The following TTC31 variants were observed in gnomAD, a reference collection of about 807,000 sequenced individuals.
TTC31 encodes the protein tetratricopeptide repeat protein 31.
TTC31 carries 59 observed loss-of-function variants against 60.4 expected under a neutral mutation model. The ratio of observed to expected loss-of-function variants is 0.98; its 90% CI spans 0.79 to 1.21. The LOEUF (loss-of-function observed/expected upper bound fraction) is 1.21, where lower values mean the gene tolerates loss of function less well. TTC31 is among the 50% of genes most tolerant of loss of function. The pLI, the probability that TTC31 is intolerant of heterozygous loss-of-function variation, is 0.00. For synonymous variants in TTC31, 225 were observed against 249.6 expected (o/e 0.90, Z 0.93); for missense variants, 672 against 646.9 (o/e 1.04, Z -0.42).
At chr2:74,491,215 C>T (rs764334293) in intron 6 of TTC31, 31 bp downstream of exon 6, 5 of 1,614,100 alleles carry the variant, frequency 3.1e-6, no homozygotes, top group Non-Finnish European at 3.4e-6. Context: ...CTAAGAGCAC[C>T]AAGTGCCAGG....
At position 74,493,290 on chromosome 2, in the gene TTC31, TC is replaced by T. The variant is rs1674158733; in HGVS notation, c.*73del. The T allele has an allele frequency of 6.8e-7, 1 of 1,470,234 alleles. No homozygotes were observed. The highest frequency in any genetic ancestry group is 9.3e-7 in the Non-Finnish European group (1 of 1,073,840). 91.1% of individuals were successfully genotyped at this position (1,470,234 alleles called of 1,614,324 possible). A position where few individuals can be genotyped will look rare whatever the true frequency, so the allele number is the denominator to read the frequency against. Reference sequence around the variant, plus strand: ...GTGGGGGACATAGTGTGGTGACAGTTCACTGCATATTTTGAGACCTTATTCT... The same window carrying T: ...GTGGGGGACATAGTGTGGTGACAGTTACTGCATATTTTGAGACCTTATTCT... On this transcript the variant is annotated 3_prime_UTR_variant, in exon 13 of 13. Coordinates refer to ENST00000233623, the MANE Select transcript of TTC31 (RefSeq NM_022492.6).
Position 74,490,730 on chromosome 2 carries a change from C to G in TTC31, c.537C>G (p.Leu179=). 1 of 1,612,862 alleles carries G rather than the reference C, an allele frequency of 6.2e-7. No individual in the cohort carries two copies. Among genetic ancestry groups the G allele is most frequent in the East Asian group, 2.2e-5 (1 of 44,838 alleles). Residue 179 remains leucine (L), a synonymous_variant, in exon 5 of 13, where the codon CTC becomes CTG. Coordinates refer to ENST00000233623, the MANE Select transcript of TTC31 (RefSeq NM_022492.6). ...AACAGAAAGCAGAGAAAAAGCGACT[C>G]AAGAAGAAGGTGGCTAGAGCATGGC... ...RMKQKAEKKR[L]KKKRQKERKR...
chr2:74,491,438 A>G, intron 7 of TTC31, 43 bp from the exon 8 acceptor site: 1 of 1,613,260 alleles, frequency 6.2e-7, no homozygotes, highest in Non-Finnish European at 8.5e-7. Context: ...TCCAGAATGT[A>G]CTTCATCCCC....
chr2:74,489,908 TG>T, intron 2 of TTC31, 116 bp from the exon 3 acceptor site: 1 of 735,296 alleles, frequency 1.4e-6, no homozygotes, highest in Non-Finnish European at 2.3e-6. Flanking sequence ...TGAGAGTCTC[TG>T]GGCTGGATAG....
In TTC31 at chr2:74,492,464, GA is replaced by G; in HGVS notation, c.1161+22del. 6.6e-7 allele frequency: 1 copy of G among 1,523,074 alleles called. No homozygotes were observed. The highest frequency in any genetic ancestry group is 8.8e-7 in the Non-Finnish European group (1 of 1,136,142). The allele number at this position is 1,523,074 out of a possible 1,614,324, so 94.3% of individuals were successfully genotyped here. A position where few individuals can be genotyped will look rare whatever the true frequency, so the allele number is the denominator to read the frequency against. On this transcript the variant is annotated intron_variant, in intron 11 of 12. Transcript: ENST00000233623. ...ACTACAGGTAATAGGTCTGGGGCTGGAAACAGGAGAGATTTGAGTGGGATGG... is the reference window on the plus strand; with the variant it reads ...ACTACAGGTAATAGGTCTGGGGCTGGAACAGGAGAGATTTGAGTGGGATGG...
chr2:74,492,789 G>A, intron 12 of TTC31, 42 bp downstream of exon 12: 1 of 1,605,120 alleles, frequency 6.2e-7, no homozygotes, highest in African/African-American at 1.3e-5. Flanking sequence ...GCGGGTATCA[G>A]GGAGAATTGG....
chr2:74,490,891 C>G lies in TTC31; in HGVS notation c.546+152C>G, dbSNP rs1215435209. 16 of 922,378 alleles carry G rather than the reference C, an allele frequency of 1.7e-5. No homozygotes were observed. In the South Asian group the frequency reaches 1.9e-4, roughly 11 times the overall value. 57.1% of individuals were successfully genotyped at this position (922,378 alleles called of 1,614,324 possible). On this transcript the variant is annotated intron_variant, in intron 5 of 12. Coordinates refer to ENST00000233623, the MANE Select transcript of TTC31 (RefSeq NM_022492.6). ...AAGGGGCCCAGGGACTGGGGGGTCT[C>G]TCACAGGCCATCTGGTGCAGTGGTT...
chr2:74,492,253 A>AG (rs770661902), intron 10 of TTC31, 24 bp downstream of exon 10: 1 of 1,614,068 alleles, frequency 6.2e-7, no homozygotes, highest in South Asian at 1.1e-5. Flanking sequence ...TGGCCAGGGC[A>AG]GGGCAGAGTG....
intron 2 of TTC31, chr2:74,483,770 A>G (rs1051951412): frequency 2.6e-6 from 1 of 391,962 alleles, no homozygotes. Flanking sequence ...TGAGCCCAGG[A>G]GTTAGAGACC....
Position 74,483,403 on chromosome 2 carries a change from G to A in TTC31, c.122G>A (p.Gly41Asp), listed in dbSNP as rs1215977028. The A allele has an allele frequency of 1.2e-6, 2 of 1,614,218 alleles. No individual in the cohort carries two copies. Among genetic ancestry groups the A allele is most frequent in the African/African-American group, 2.7e-5 (2 of 75,054 alleles). Residue 41 changes from glycine (G) to aspartate (D), a missense_variant, in exon 2 of 13, where the codon GGC becomes GAC. By Grantham distance (94) the Gly-to-Asp change is moderately conservative. Coordinates refer to ENST00000233623, the MANE Select transcript of TTC31 (RefSeq NM_022492.6). ...LCKEFGPEDYGEEDIVDFLRR... is the reference protein window; with the variant it reads ...LCKEFGPEDYDEEDIVDFLRR... ...AAGGAATTCGGTCCAGAGGATTACG[G>A]CGAAGAGGTAAAAGCGACCCTCAGT...
At chr2:74,484,140 G>T (rs990334297) in intron 2 of TTC31, among the ~76,000 whole-genome samples, 3 of 151,730 alleles carry the variant, frequency 2.0e-5, no homozygotes, top group Non-Finnish European at 4.4e-5. Context: ...GGGTTACTGA[G>T]GCAGGAGAAT....
chr2:74,492,114 C>T (rs749326198), intron 9 of TTC31, 25 bp from the exon 10 acceptor site: 1 of 1,614,166 alleles, frequency 6.2e-7, no homozygotes, highest in African/African-American at 1.3e-5. Flanking sequence ...CCCATCTGAA[C>T]CTTCTCACCC....
intron 1 of TTC31, 28 bp downstream of exon 1, chr2:74,483,163 G>T (rs1301520791): frequency 1.9e-6 from 3 of 1,614,068 alleles, no homozygotes; most frequent in Non-Finnish European, 2.5e-6. Flanking sequence ...ACCAGTGGGG[G>T]TCTAGGAGGG....
Position 74,483,110 on chromosome 2 carries a change from A to T in TTC31, c.15A>T (p.Pro5=). The part of the protein sequence containing the change: MAPI[P]KTVGRIKLDC... Reference sequence around the variant, plus strand: ...CTGTAGATGCGATGGCGCCGATTCCAAAGACTGTGGGGCGGATCAAGCTAG... The same window carrying T: ...CTGTAGATGCGATGGCGCCGATTCCTAAGACTGTGGGGCGGATCAAGCTAG... The change falls in exon 1 of 13, where the codon CCA becomes CCT. Residue 5 remains proline, a synonymous_variant. Transcript: ENST00000233623. 6.2e-7 allele frequency: 1 copy of T among 1,614,192 alleles called. No homozygotes were observed. The highest frequency in any genetic ancestry group is 8.5e-7 in the Non-Finnish European group (1 of 1,180,022).
At chr2:74,487,796 C>T in intron 2 of TTC31, among the ~76,000 whole-genome samples, 1 of 152,158 alleles carries the variant, frequency 6.6e-6, no homozygotes. Flanking sequence ...TCTCGTGCCT[C>T]AGCCTCCTGA....
Position 74,492,317 on chromosome 2 carries a change from C to T in TTC31, c.1033C>T (p.Arg345Cys), listed in dbSNP as rs780313312. ...NPQDHRLFGN[R>C]SFCHERLGQP... ...TGTCTTTATCAGGTTATTTGGAAATCGTTCCTTCTGCCATGAGCGGTTGGG... is the reference window on the plus strand; with the variant it reads ...TGTCTTTATCAGGTTATTTGGAAATTGTTCCTTCTGCCATGAGCGGTTGGG... Residue 345 changes from arginine (R) to cysteine (C), a missense_variant, in exon 11 of 13, where the codon CGT becomes TGT. Arg to Cys is a radical substitution (Grantham distance 180). Coordinates refer to ENST00000233623, the MANE Select transcript of TTC31 (RefSeq NM_022492.6). 6.9e-6 allele frequency: 11 copies of T among 1,592,100 alleles called. No individual in the cohort carries two copies. Among genetic ancestry groups the T allele is most frequent in the African/African-American group, 1.3e-5 (1 of 74,444 alleles).
Position 74,493,139 on chromosome 2 carries a change from A to G in TTC31, c.1481A>G (p.His494Arg), listed in dbSNP as rs1558587567. Residue 494 changes from histidine (H) to arginine (R), a missense_variant, in exon 13 of 13, where the codon CAT becomes CGT. By Grantham distance (29) the His-to-Arg change is conservative. Transcript: ENST00000233623. ...TCCCAGACTCAGAGTAGAAGGCCCC[A>G]TCCTCTCAAGCCCCAGGACCCTTCA... is the stretch of plus-strand genomic sequence containing the variant. The part of the protein sequence containing the change: ...PLSQTQSRRP[H>R]PLKPQDPSKG... 6.2e-7 allele frequency: 1 copy of G among 1,614,036 alleles called. No homozygotes were observed. The highest frequency in any genetic ancestry group is 8.5e-7 in the Non-Finnish European group (1 of 1,179,952).
intron 2 of TTC31, among the ~76,000 whole-genome samples, chr2:74,483,888 G>A (rs931860105): frequency 6.6e-6 from 1 of 151,398 alleles, no homozygotes; most frequent in African/African-American, 2.4e-5. Flanking sequence ...AGGTTTCAGT[G>A]AACCATGATC....
chr2:74,485,060 A>G (rs1335975760), intron 2 of TTC31, among the ~76,000 whole-genome samples: 1 of 136,408 alleles, frequency 7.3e-6, no homozygotes, highest in African/African-American at 2.8e-5. Flanking sequence ...AGAGTCTCAC[A>G]CTGTCGCCCA....
Sources: allele counts gnomAD v4.1 joint callset (sites outside exome capture counted in the v4.1 genomes callset), GRCh38; gene constraint gnomAD v4.1.1; transcripts MANE v1.5; gene names NCBI Gene and HGNC (gene_info 2026-07-23, HGNC 2026-07-21).